Variants in CTXN2 observed in about 807,000 individuals in gnomAD.
CTXN2 encodes cortexin-2.
A neutral mutation model predicts 5.7 loss-of-function variants in CTXN2; 3 were observed. The ratio of observed to expected loss-of-function variants is 0.53; its 90% CI spans 0.24 to 1.36. The LOEUF is 1.36. Ranked by LOEUF, CTXN2 falls within the 40% of genes most tolerant of loss-of-function variation. The pLI is 0.17. For missense variants in CTXN2, 87 were observed against 93.0 expected (o/e 0.94, Z 0.26); for synonymous variants, 38 against 36.4 (o/e 1.04, Z -0.16).
At chr15:48,196,654 A>T (rs1484270158) in intron 1 of CTXN2, among the ~76,000 whole-genome samples, 3 of 152,112 alleles carry the variant, frequency 2.0e-5, no homozygotes, top group Non-Finnish European at 2.9e-5. Flanking sequence ...TCTCTGATTC[A>T]TCATATTAGT....
At chr15:48,182,087 T>A (rs1346721876) in intron 1 of CTXN2, among the ~76,000 whole-genome samples, 2 of 151,684 alleles carry the variant, frequency 1.3e-5, no homozygotes, top group Non-Finnish European at 2.9e-5. Flanking sequence ...TACCATTCTC[T>A]CTCTTCTTCT....
intron 1 of CTXN2, among the ~76,000 whole-genome samples, chr15:48,186,248 G>A (rs2040753448): frequency 6.6e-6 from 1 of 152,126 alleles, no homozygotes; most frequent in African/African-American, 2.4e-5. Flanking sequence ...CATTTAAATA[G>A]AACACTCTGA....
upstream of CTXN2, chr15:48,189,599 A>C (rs1396240945): frequency 1.3e-5 from 2 of 152,224 alleles, no homozygotes; most frequent in African/African-American, 4.8e-5. Context: ...ATCAAAATCA[A>C]AGGAATCAAA....
At chr15:48,179,227 AT>A (rs1034764958) in intron 1 of CTXN2, among the ~76,000 whole-genome samples, 6 of 152,098 alleles carry the variant, frequency 3.9e-5, no homozygotes, top group South Asian at 2.1e-4. Context: ...GCCTTCCCAA[AT>A]TTTTTTTCCA....
At chr15:48,182,526 GAT>G (rs960793756) in intron 1 of CTXN2, among the ~76,000 whole-genome samples, 1 of 152,138 alleles carries the variant, frequency 6.6e-6, no homozygotes, top group African/African-American at 2.4e-5. Context: ...ATACTGATGT[GAT>G]ATTTTTTCAT....
chr15:48,191,625 C>T, upstream of CTXN2: 1 of 437,224 alleles, frequency 2.3e-6, no homozygotes, highest in Non-Finnish European at 4.6e-6. Flanking sequence ...CCTGCAAACG[C>T]GCGCGCGCAC....
chr15:48,184,536 A>C (rs570465535), intron 1 of CTXN2, among the ~76,000 whole-genome samples: 2 of 152,336 alleles, frequency 1.3e-5, no homozygotes, highest in African/African-American at 4.8e-5. Context: ...AAAAATAAGC[A>C]AATGAAATTA....
intron 1 of CTXN2, among the ~76,000 whole-genome samples, chr15:48,185,261 A>C (rs1327646522): frequency 3.3e-5 from 5 of 152,174 alleles, no homozygotes; most frequent in African/African-American, 1.2e-4. Context: ...GACCAACAAA[A>C]AGAATAAACT....
At chr15:48,180,411 C>A (rs1268568161) in intron 1 of CTXN2, among the ~76,000 whole-genome samples, 1 of 152,198 alleles carries the variant, frequency 6.6e-6, no homozygotes, top group Non-Finnish European at 1.5e-5. Flanking sequence ...TCCTTTCTTG[C>A]TATTAATTGC....
At chr15:48,192,581 G>A (rs902514063) in intron 1 of CTXN2, 8 of 152,120 alleles carry the variant, frequency 5.3e-5, no homozygotes, top group African/African-American at 1.9e-4. Flanking sequence ...TGTGTGGAGT[G>A]TGTATATGTA....
intron 1 of CTXN2, among the ~76,000 whole-genome samples, chr15:48,180,742 C>G (rs2040695316): frequency 6.6e-6 from 1 of 152,214 alleles, no homozygotes; most frequent in Non-Finnish European, 1.5e-5. Flanking sequence ...CATCTCCTGA[C>G]CCTGTGATCT....
At chr15:48,186,045 G>T (rs1209154867) in intron 1 of CTXN2, among the ~76,000 whole-genome samples, 1 of 152,114 alleles carries the variant, frequency 6.6e-6, no homozygotes, top group African/African-American at 2.4e-5. Flanking sequence ...CTTTAGCAGA[G>T]CAAAATAACT....
chr15:48,192,293 GA>G (rs2040831782), intron 1 of CTXN2: 1 of 158,394 alleles, frequency 6.3e-6, no homozygotes, highest in Non-Finnish European at 1.4e-5. Context: ...TTGAGTGTCA[GA>G]GTCCTTGAGC....
intron 1 of CTXN2, among the ~76,000 whole-genome samples, chr15:48,197,621 T>C (rs982274655): frequency 2.0e-5 from 3 of 152,104 alleles, no homozygotes; most frequent in Non-Finnish European, 4.4e-5. Flanking sequence ...ATATGTTACC[T>C]TAAGTTCATT....
intron 1 of CTXN2, among the ~76,000 whole-genome samples, chr15:48,183,459 G>C (rs762655901): frequency 6.6e-6 from 1 of 152,030 alleles, no homozygotes; most frequent in Non-Finnish European, 1.5e-5. Flanking sequence ...ACAACAGATT[G>C]GTTTAAAATT....
rs957635292 is a variant in CTXN2 at position 48,186,351 on chromosome 15, T to C, written c.-454-5106T>C. Among the ~76,000 whole-genome samples the C allele has an allele frequency of 3.9e-5, 6 of 152,192 alleles. No homozygotes were observed. The South Asian group carries it at 6.2e-4, about 16-fold the overall frequency. ...TGGGACTCATCAACCAGACCAGCAT[T>C]AGATCATTAACTACACTAAAGTGTC... On this transcript the variant is annotated intron_variant, in intron 1 of 2. Coordinates refer to the CTXN2 transcript ENST00000644354.
intron 1 of CTXN2, chr15:48,192,437 A>C (rs928991686): frequency 6.6e-6 from 1 of 152,390 alleles, no homozygotes; most frequent in Non-Finnish European, 1.5e-5. Flanking sequence ...CATGATGAAG[A>C]CATCTAGGTT....
chr15:48,198,220 C>G (rs898908695), intron 1 of CTXN2, among the ~76,000 whole-genome samples: 1 of 152,040 alleles, frequency 6.6e-6, no homozygotes, highest in African/African-American at 2.4e-5. Context: ...GAAAGAGCTA[C>G]TGAGTTTTTA....
chr15:48,191,582 C>T (rs2040822805), upstream of CTXN2: 1 of 395,496 alleles, frequency 2.5e-6, no homozygotes, highest in Non-Finnish European at 5.1e-6. Context: ...AATATTTACA[C>T]ACTGCCACAC....
Sources: allele counts gnomAD v4.1 joint callset (sites outside exome capture counted in the v4.1 genomes callset), GRCh38; gene constraint gnomAD v4.1.1; transcripts MANE v1.5; gene names NCBI Gene and HGNC (gene_info 2026-07-23, HGNC 2026-07-21).